The following MPG variants were observed in gnomAD, a reference collection of about 807,000 sequenced individuals.
MPG encodes the protein N-methylpurine DNA glycosylase.
In MPG, 33 loss-of-function variants were observed where a neutral mutation model predicts 31.7. The observed-to-expected ratio is 1.04, with a 90% CI of 0.79 to 1.39. MPG has a LOEUF of 1.39. Ranked by LOEUF, MPG falls within the 40% of genes most tolerant of loss-of-function variation. The pLI is 0.00. For synonymous variants in MPG, 202 were observed against 169.2 expected, an observed-to-expected ratio of 1.19 and a Z score of -1.51; for missense variants, 455 against 415.5, an observed-to-expected ratio of 1.10 and a Z score of -0.83.
intron 2 of MPG, 26 bp from the exon 3 acceptor site, chr16:83,026 C>G (rs371410956): frequency 3.8e-5 from 60 of 1,563,418 alleles, no homozygotes; most frequent in Non-Finnish European, 4.9e-5. Context: ...CCCTTCCCGC[C>G]CTGAGCAGAA....
At position 85,589 on chromosome 16, in the gene MPG, G is replaced by A. The variant is rs1435769056; in HGVS notation, c.694G>A (p.Ala232Thr). 5 of 1,612,820 alleles carry A rather than the reference G, an allele frequency of 3.1e-6. No homozygotes were observed. Among genetic ancestry groups the A allele is most frequent in the African/African-American group, 2.7e-5 (2 of 74,930 alleles). The change falls in exon 4 of 4, where the codon GCA (alanine) becomes ACA (threonine). Residue 232 changes from alanine (A) to threonine (T), a missense_variant. Transcript: ENST00000356432. Reference sequence around the variant, plus strand: ...CAAGAGCTTTGACCAGAGGGACCTGGCACAGGATGAAGCTGTATGGCTGGA... The same window carrying A: ...CAAGAGCTTTGACCAGAGGGACCTGACACAGGATGAAGCTGTATGGCTGGA... ...INKSFDQRDLAQDEAVWLERG... is the reference protein window; with the variant it reads ...INKSFDQRDLTQDEAVWLERG...
chr16:80,446 G>A (rs1166004243), intron 2 of MPG, among the ~76,000 whole-genome samples: 4 of 152,208 alleles, frequency 2.6e-5, no homozygotes, highest in African/African-American at 9.6e-5. Context: ...ACCCTAGAAT[G>A]TGGGCTCGAC....
upstream of MPG, chr16:78,117 C>T (rs551118906): frequency 5.7e-6 from 2 of 351,860 alleles, no homozygotes; most frequent in African/African-American, 4.3e-5. Flanking sequence ...GGAAGAGGAT[C>T]CACCTCCACG....
intron 1 of MPG, 140 bp from the exon 2 acceptor site, chr16:79,285 C>G (rs897751097): frequency 1.9e-6 from 3 of 1,578,268 alleles, no homozygotes; most frequent in Middle Eastern, 1.7e-4. Flanking sequence ...CTCATAACAA[C>G]CCACAGGATG....
chr16:79,593 C>T lies in MPG; in HGVS notation c.193C>T (p.Pro65Ser), dbSNP rs760169448. The change falls in exon 2 of 4, where the codon CCA (proline) becomes TCA (serine). Residue 65 changes from proline to serine, a missense_variant. Pro to Ser is a moderately conservative substitution (Grantham distance 74). Transcript: ENST00000356432. ...CTTGGGACCGCCCACCACTCCGGGCCCATACCGCAGCATCTATTTCTCAAG... is the reference window on the plus strand; with the variant it reads ...CTTGGGACCGCCCACCACTCCGGGCTCATACCGCAGCATCTATTTCTCAAG... ...RCLGPPTTPGPYRSIYFSSPK... is the reference protein window; with the variant it reads ...RCLGPPTTPGSYRSIYFSSPK... 6.2e-6 allele frequency: 10 copies of T among 1,609,494 alleles called. No individual in the cohort carries two copies. The South Asian group carries it at 8.8e-5, about 14-fold the overall frequency.
Position 79,674 on chromosome 16 carries a change from C to A in MPG, c.274C>A (p.Pro92Thr). ...GGAGTTCTTCGACCAGCCGGCAGTC[C>A]CCCTGGCCCGGGCATTTCTGGGACA... The part of the protein sequence containing the change: ...GLEFFDQPAV[P>T]LARAFLGQVL... Residue 92 changes from proline (P) to threonine (T), a missense_variant, in exon 2 of 4, where the codon CCC (proline) becomes ACC (threonine). By Grantham distance (38) the Pro-to-Thr change is conservative. Coordinates refer to ENST00000356432, the MANE Select transcript of MPG (RefSeq NM_001015052.3). The A allele has an allele frequency of 6.4e-7, 1 of 1,564,886 alleles. No individual in the cohort carries two copies. Among genetic ancestry groups the A allele is most frequent in the East Asian group, 2.4e-5 (1 of 42,036 alleles).
chr16:83,414 C>T (rs755876865), intron 3 of MPG, 158 bp downstream of exon 3: 20 of 686,014 alleles, frequency 2.9e-5, no homozygotes, highest in Admixed American at 5.5e-5. Context: ...GCTACGCTGA[C>T]GGGGCAGGGC....
At chr16:78,376 C>A in intron 1 of MPG, 43 bp downstream of exon 1, 1 of 1,191,160 alleles carries the variant, frequency 8.4e-7, no homozygotes, top group Non-Finnish European at 1.0e-6. Context: ...GACGCGCCCA[C>A]CCCCAGGCGC....
chr16:82,810 G>A (rs969247783), intron 2 of MPG, among the ~76,000 whole-genome samples: 2 of 152,224 alleles, frequency 1.3e-5, no homozygotes, highest in South Asian at 2.1e-4. Flanking sequence ...GTGGCCTGAG[G>A]TATCTTCGGC....
chr16:80,079 A>G (rs3176393), intron 2 of MPG, among the ~76,000 whole-genome samples: 1 of 152,214 alleles, frequency 6.6e-6, no homozygotes, highest in African/African-American at 2.4e-5. Flanking sequence ...AGTGGCTCAC[A>G]GTGCAGTGCT....
In MPG at chr16:85,523, T is replaced by C; in HGVS notation, c.628T>C (p.Cys210Arg). Residue 210 changes from cysteine to arginine, a missense_variant, in exon 4 of 4, where the codon TGC (cysteine) becomes CGC (arginine). By Grantham distance (180) the Cys-to-Arg change is radical. Transcript: ENST00000356432. ...CCGTGTCCTCAAGGACCGCGAGCTC[T>C]GCAGTGGCCCCTCCAAGCTGTGCCA... is the stretch of plus-strand genomic sequence containing the variant. ...ASRVLKDRELCSGPSKLCQAL... is the reference protein window; with the variant it reads ...ASRVLKDRELRSGPSKLCQAL... 2 of 1,613,396 alleles carry C rather than the reference T, an allele frequency of 1.2e-6. No homozygotes were observed. The highest frequency in any genetic ancestry group is 1.7e-6 in the Non-Finnish European group (2 of 1,180,036).
chr16:78,305 G>A lies in MPG; in HGVS notation c.-5G>A. 2.3e-6 allele frequency: 3 copies of A among 1,333,296 alleles called. No individual in the cohort carries two copies. Among genetic ancestry groups the A allele is most frequent in the Middle Eastern group, 2.9e-4 (1 of 3,504 alleles). The allele number at this position is 1,333,296 out of a possible 1,614,324, so 82.6% of individuals were successfully genotyped here. ...GTCCCACGAAGCCCCGGCCCGAGCC[G>A]CCGGATGCCCGCGCGCAGCGGGGCC... is the stretch of plus-strand genomic sequence containing the variant. On this transcript the variant is annotated 5_prime_UTR_variant, in exon 1 of 4. Transcript: ENST00000356432.
In MPG at chr16:79,586, T is replaced by C. The variant is rs774611914; in HGVS notation, c.186T>C (p.Thr62=). 4.3e-6 allele frequency: 7 copies of C among 1,610,510 alleles called. No homozygotes were observed. The highest frequency in any genetic ancestry group is 5.9e-6 in the Non-Finnish European group (7 of 1,178,808). The part of the protein sequence containing the change: ...PRERCLGPPT[T]PGPYRSIYFS... ...AGCGCTGCTTGGGACCGCCCACCAC[T>C]CCGGGCCCATACCGCAGCATCTATT... Residue 62 remains threonine, a synonymous_variant, in exon 2 of 4, where the codon ACT becomes ACC. Coordinates refer to ENST00000356432, the MANE Select transcript of MPG (RefSeq NM_001015052.3).
In MPG at chr16:85,387, T is replaced by C. The variant is rs1169434210; in HGVS notation, c.506-14T>C. 1 of 1,587,274 alleles carries C rather than the reference T, an allele frequency of 6.3e-7. No individual in the cohort carries two copies. Among genetic ancestry groups the C allele is most frequent in the Non-Finnish European group, 8.6e-7 (1 of 1,165,964 alleles). On this transcript the variant is annotated splice_polypyrimidine_tract_variant and intron_variant, in intron 3 of 3. Coordinates refer to ENST00000356432, the MANE Select transcript of MPG (RefSeq NM_001015052.3). Reference sequence around the variant, plus strand: ...GCCTAGGGAGGCTCCACTTCCAAACTGTCCGTCCCACAGGGGACGGGGCTT... The same window carrying C: ...GCCTAGGGAGGCTCCACTTCCAAACCGTCCGTCCCACAGGGGACGGGGCTT...
At chr16:83,359 G>C in intron 3 of MPG, 103 bp downstream of exon 3, 1 of 1,190,598 alleles carries the variant, frequency 8.4e-7, no homozygotes, top group Non-Finnish European at 1.2e-6. Context: ...GCATTTGAGC[G>C]AGGAGGTGCC....
In MPG at chr16:82,197, G is replaced by A. The variant is rs8061847; in HGVS notation, c.301-855G>A. ...CGGGAAGCCCTCCTGAATGCTCCCC[G>A]CGCTGACCCCTTCTTCCCACCACCC... On this transcript the variant is annotated intron_variant, in intron 2 of 3. Coordinates refer to ENST00000356432, the MANE Select transcript of MPG (RefSeq NM_001015052.3). Among the ~76,000 whole-genome samples the A allele has an allele frequency of 2.1e-3, 111 of 53,902 alleles. 9 individuals are homozygous for A. The highest frequency in any genetic ancestry group is 2.5e-3 in the Non-Finnish European group (68 of 26,858). The allele number at this position is 53,902 out of a possible 152,430, so 35.4% of individuals were successfully genotyped here.
At chr16:79,202 G>A (rs1024774006) in intron 1 of MPG, 2 of 1,549,142 alleles carry the variant, frequency 1.3e-6, no homozygotes, top group African/African-American at 2.7e-5. Flanking sequence ...CAGCCACCCT[G>A]CCCCCAGCAG....
chr16:77,968 CG>C (rs995873242), upstream of MPG: 6 of 201,220 alleles, frequency 3.0e-5, no homozygotes, highest in African/African-American at 1.2e-4. Flanking sequence ...AGGGCGCAGG[CG>C]GGGGCGGACA....
intron 2 of MPG, among the ~76,000 whole-genome samples, chr16:81,077 C>G (rs754947722): frequency 9.9e-5 from 15 of 152,154 alleles, no homozygotes; most frequent in Non-Finnish European, 2.2e-4. Context: ...TAGTGGATGC[C>G]CTTGCAGACC....
Sources: allele counts gnomAD v4.1 joint callset (sites outside exome capture counted in the v4.1 genomes callset), GRCh38; gene constraint gnomAD v4.1.1; transcripts MANE v1.5; gene names NCBI Gene and HGNC (gene_info 2026-07-23, HGNC 2026-07-21).